The following FBXW8 variants were observed in gnomAD, a reference collection of about 807,000 sequenced individuals.
The protein encoded by FBXW8 is F-box/WD repeat-containing protein 8.
Under a neutral mutation model 65.3 loss-of-function variants are expected in FBXW8, and 57 were observed. The ratio of observed to expected loss-of-function variants is 0.87; its 90% CI spans 0.71 to 1.09. The LOEUF is 1.09. Ranked by LOEUF, FBXW8 falls within the 50% of genes least tolerant of loss-of-function variation. The pLI, the probability that FBXW8 is intolerant of heterozygous loss-of-function variation, is 0.00. For synonymous variants in FBXW8, 308 were observed against 330.2 expected, an observed-to-expected ratio of 0.93 and a Z score of 0.73; for missense variants, 777 against 814.8, an observed-to-expected ratio of 0.95 and a Z score of 0.57.
chr12:116,991,023 G>C (rs548461161), intron 7 of FBXW8, among the ~76,000 whole-genome samples: 1 of 152,174 alleles, frequency 6.6e-6, no homozygotes, highest in Non-Finnish European at 1.5e-5. Flanking sequence ...CTGTAAGCTG[G>C]TGTTTTCGCT....
intron 2 of FBXW8, among the ~76,000 whole-genome samples, chr12:116,928,601 C>T (rs1881524698): frequency 6.6e-6 from 1 of 152,164 alleles, no homozygotes; most frequent in Non-Finnish European, 1.5e-5. Context: ...GGATCTCACT[C>T]AGTGAGGTGC....
chr12:117,001,193 C>T (rs904858733), intron 7 of FBXW8, among the ~76,000 whole-genome samples: 1 of 152,192 alleles, frequency 6.6e-6, no homozygotes, highest in African/African-American at 2.4e-5. Flanking sequence ...ATACCTCATG[C>T]ACCATGTAGA....
intron 9 of FBXW8, 79 bp from the exon 10 acceptor site, chr12:117,027,315 C>T: frequency 1.9e-6 from 2 of 1,064,664 alleles, no homozygotes; most frequent in African/African-American, 1.6e-5. Context: ...TCCCCTGCAG[C>T]TCTGAACTCC....
intron 4 of FBXW8, among the ~76,000 whole-genome samples, chr12:116,957,800 T>A (rs1883745275): frequency 6.6e-6 from 1 of 152,204 alleles, no homozygotes; most frequent in South Asian, 2.1e-4. Context: ...TTTTTAAAAA[T>A]ACTTTTAAAT....
At chr12:117,027,258 C>T in intron 9 of FBXW8, 136 bp from the exon 10 acceptor site, 1 of 688,680 alleles carries the variant, frequency 1.5e-6, no homozygotes. Flanking sequence ...TCCATGGGGG[C>T]CCTGTTCCCT....
In FBXW8 at chr12:116,936,627, C is replaced by A. The variant is rs1882179067; in HGVS notation, c.423+8500C>A. 1.3e-5 allele frequency among the ~76,000 whole-genome samples: 2 copies of A among 152,164 alleles called. No homozygotes were observed. Among genetic ancestry groups the A allele is most frequent in the Non-Finnish European group, 2.9e-5 (2 of 68,030 alleles). ...CTGGAAAAGGTAAGAAAACTGTTTT[C>A]TTTCTGAAGCCTCCGGAAGGAATGC... On this transcript the variant is annotated intron_variant, in intron 2 of 10. Coordinates refer to ENST00000652555, the MANE Select transcript of FBXW8 (RefSeq NM_153348.3). This position sits in a 1 kb window ranked among gnomAD's most constrained non-coding sequence, Gnocchi z 4.6.
At chr12:116,947,750 A>AAAAAG (rs57187487) in intron 3 of FBXW8, among the ~76,000 whole-genome samples, 74,230 of 137,248 alleles carry the variant, frequency 0.54, 23,598 homozygotes, top group Admixed American at 0.7. Flanking sequence ...AAAAAAAAAA[A>AAAAAG]AAAAGAAAAG....
At chr12:116,924,377 A>G (rs1414206281) in intron 1 of FBXW8, among the ~76,000 whole-genome samples, 2 of 152,216 alleles carry the variant, frequency 1.3e-5, no homozygotes, top group Non-Finnish European at 2.9e-5. Context: ...TGACCAAATC[A>G]GGGTAATTAA....
At chr12:116,965,410 A>G (rs1233479732) in intron 5 of FBXW8, among the ~76,000 whole-genome samples, 1 of 152,222 alleles carries the variant, frequency 6.6e-6, no homozygotes, top group Non-Finnish European at 1.5e-5. Context: ...CTAGGTACGA[A>G]TAGTCTAAAG....
At chr12:116,918,003 A>C (rs1880575994) in intron 1 of FBXW8, among the ~76,000 whole-genome samples, 1 of 151,018 alleles carries the variant, frequency 6.6e-6, no homozygotes, top group African/African-American at 2.4e-5. Flanking sequence ...AAAAAAAAAA[A>C]ACAAAAAAAA....
intron 4 of FBXW8, among the ~76,000 whole-genome samples, chr12:116,952,966 G>C (rs1159648254): frequency 6.6e-6 from 1 of 152,094 alleles, no homozygotes; most frequent in African/African-American, 2.4e-5. Flanking sequence ...TCAAACCCCT[G>C]GCTTCAAGAA....
At chr12:117,006,779 C>CCAGTGCCTAGAAG (rs1953687260) in intron 7 of FBXW8, among the ~76,000 whole-genome samples, 1 of 152,230 alleles carries the variant, frequency 6.6e-6, no homozygotes, top group Admixed American at 6.5e-5. Context: ...CACGTTCATT[C>CCAGTGCCTAGAAG]CAGTGCCTAG....
At chr12:117,001,985 G>A (rs1001067530) in intron 7 of FBXW8, among the ~76,000 whole-genome samples, 1 of 152,118 alleles carries the variant, frequency 6.6e-6, no homozygotes, top group Admixed American at 6.5e-5. Flanking sequence ...GACGTGCTGA[G>A]AGAGAGAGAT....
At chr12:116,943,175 C>T (rs142576891) in intron 2 of FBXW8, among the ~76,000 whole-genome samples, 2 of 152,216 alleles carry the variant, frequency 1.3e-5, no homozygotes, top group Non-Finnish European at 2.9e-5. Flanking sequence ...GATTTAAAGT[C>T]TCTGTTTAGT....
At chr12:116,925,313 G>C (rs1475015358) in intron 1 of FBXW8, among the ~76,000 whole-genome samples, 2 of 152,154 alleles carry the variant, frequency 1.3e-5, no homozygotes, top group Non-Finnish European at 2.9e-5. Context: ...GGACTCAGCT[G>C]TGAGTCAACA....
At chr12:116,962,770 C>T (rs1009065013) in intron 4 of FBXW8, among the ~76,000 whole-genome samples, 1 of 152,196 alleles carries the variant, frequency 6.6e-6, no homozygotes, top group African/African-American at 2.4e-5. Flanking sequence ...CCAGTCTAGA[C>T]ATTCAAACAT....
intron 5 of FBXW8, among the ~76,000 whole-genome samples, chr12:116,976,800 AC>A (rs1170489359): frequency 6.6e-6 from 1 of 152,182 alleles, no homozygotes; most frequent in East Asian, 1.9e-4. Flanking sequence ...GCCAGATGTT[AC>A]GTTTTTGCCA....
In FBXW8 at chr12:117,031,088, CG is replaced by C. The variant is rs1471171728; in HGVS notation, c.*2918del. On this transcript the variant is annotated 3_prime_UTR_variant, in exon 11 of 11. Transcript: ENST00000652555. ...CTCATATCGCCTCTCAAAACACTGT[CG>C]GACTTGCTTTCTGCTTTATGATGTC... 1 of 152,196 alleles carries C rather than the reference CG, an allele frequency of 6.6e-6. No homozygotes were observed. Among genetic ancestry groups the C allele is most frequent in the Non-Finnish European group, 1.5e-5 (1 of 68,044 alleles). 9.4% of individuals were successfully genotyped at this position (152,196 alleles called of 1,614,324 possible).
chr12:116,985,596 CT>C, intron 6 of FBXW8, 194 bp downstream of exon 6: 1 of 574,266 alleles, frequency 1.7e-6, no homozygotes, highest in Non-Finnish European at 3.0e-6. Context: ...CTTCAGGCTG[CT>C]TAGAGCAGTG....
Sources: allele counts gnomAD v4.1 joint callset (sites outside exome capture counted in the v4.1 genomes callset), GRCh38; gene constraint gnomAD v4.1.1; non-coding constraint Gnocchi (gnomAD v3.1); transcripts MANE v1.5; gene names NCBI Gene and HGNC (gene_info 2026-07-23, HGNC 2026-07-21).